ASIC2: variants seen among roughly 807,000 people sequenced by gnomAD.
ASIC2 encodes the protein acid-sensing ion channel 2.
ASIC2 carries 25 observed loss-of-function variants against 57.3 expected under a neutral mutation model. The ratio of observed to expected loss-of-function variants is 0.44; its 90% CI spans 0.32 to 0.61. The LOEUF (loss-of-function observed/expected upper bound fraction) is 0.61, where lower values mean the gene tolerates loss of function less well. ASIC2 is among the 20% of genes least tolerant of loss of function. The probability of loss-of-function intolerance (pLI) is 0.06; values close to 1 mark genes in which losing one functional copy is unlikely to be tolerated. For synonymous variants in ASIC2, 319 were observed against 307.5 expected (o/e 1.04, Z -0.39); for missense variants, 641 against 738.1 (o/e 0.87, Z 1.52).
intron 1 of ASIC2, among the ~76,000 whole-genome samples, chr17:34,064,450 T>C (rs1909091411): frequency 6.6e-6 from 1 of 152,122 alleles, no homozygotes; most frequent in African/African-American, 2.4e-5. Flanking sequence ...GAACAACCCT[T>C]CTAGACATTG....
At chr17:33,850,016 G>A (rs1158411989) in intron 1 of ASIC2, among the ~76,000 whole-genome samples, 1 of 151,608 alleles carries the variant, frequency 6.6e-6, no homozygotes, top group East Asian at 1.9e-4. Context: ...TATGTTAAAG[G>A]TATGTTGTTT....
intron 1 of ASIC2, among the ~76,000 whole-genome samples, chr17:33,209,113 CCTCG>C (rs1907178063): frequency 1.3e-5 from 2 of 152,296 alleles, no homozygotes; most frequent in South Asian, 2.1e-4. Context: ...AGAACTCAAG[CCTCG>C]AAGCCCAGGA....
intron 1 of ASIC2, among the ~76,000 whole-genome samples, chr17:33,769,275 C>A (rs948805581): frequency 6.6e-6 from 1 of 152,220 alleles, no homozygotes; most frequent in Non-Finnish European, 1.5e-5. Context: ...GGCTCACAGG[C>A]ACCCTTGCCT....
chr17:33,871,370 C>T (rs434257), intron 1 of ASIC2, among the ~76,000 whole-genome samples: 41,986 of 152,088 alleles, frequency 0.28, 6,122 homozygotes, highest in African/African-American at 0.36. Flanking sequence ...TAACTACCTG[C>T]GGCAAGGCAG....
In ASIC2 at chr17:33,772,801, C is replaced by T. The variant is rs189959583; in HGVS notation, c.555+383177G>A. On this transcript the variant is annotated intron_variant, in intron 1 of 9. Transcript: ENST00000359872. ...AGGCTTGGGCTTCCTATCAGTGAGG[C>T]GGAGACTCAAATCCCAGCTTGGCCA... 9.2e-4 allele frequency among the ~76,000 whole-genome samples: 140 copies of T among 152,288 alleles called. 2 individuals are homozygous for T. Among genetic ancestry groups the T allele is most frequent in the Admixed American group, 2.4e-3 (36 of 15,288 alleles).
rs567938407 is a variant in ASIC2, at chr17:33,144,169, C to T, written c.709-32102G>A. Among the ~76,000 whole-genome samples, 1,054 of 149,824 alleles carry T rather than the reference C, an allele frequency of 7.0e-3. 3 individuals are homozygous for T. Among genetic ancestry groups the T allele is most frequent in the South Asian group, 0.011 (52 of 4,710 alleles). ...AAAAACAAACAAACAAAAAAAAAAA[C>T]GAAAAACAAAAACAAAAACAAAAAA... On this transcript the variant is annotated intron_variant, in intron 1 of 9. Transcript: ENST00000225823.
At chr17:33,996,669 A>G (rs1240637803) in intron 1 of ASIC2, among the ~76,000 whole-genome samples, 1 of 152,212 alleles carries the variant, frequency 6.6e-6, no homozygotes, top group Non-Finnish European at 1.5e-5. Context: ...TTGATAAAAA[A>G]TGCAGAGGTT....
At chr17:33,295,325 C>T (rs969816716), upstream of ASIC2, among the ~76,000 whole-genome samples, 6 of 152,194 alleles carry the variant, frequency 3.9e-5, no homozygotes, top group Non-Finnish European at 5.9e-5. Context: ...GAAAGACACA[C>T]GGGCAGCTAG....
At chr17:33,153,587 G>A (rs894389333) in intron 1 of ASIC2, among the ~76,000 whole-genome samples, 1 of 152,174 alleles carries the variant, frequency 6.6e-6, no homozygotes, top group Non-Finnish European at 1.5e-5. Context: ...CTATTTTGAC[G>A]ACAGTTTTGC....
chr17:33,921,600 G>A (rs1915709923), intron 1 of ASIC2, among the ~76,000 whole-genome samples: 1 of 152,030 alleles, frequency 6.6e-6, no homozygotes, highest in South Asian at 2.1e-4. Flanking sequence ...AGGTAGGTGG[G>A]GTGCACGTGG....
intron 1 of ASIC2, among the ~76,000 whole-genome samples, chr17:34,065,880 C>T (rs1195928610): frequency 6.6e-6 from 1 of 152,174 alleles, no homozygotes; most frequent in African/African-American, 2.4e-5. Flanking sequence ...ATAATGCTTA[C>T]AGAGTGTTCA....
At chr17:33,612,285 C>CA (rs1905436301) in intron 1 of ASIC2, among the ~76,000 whole-genome samples, 1 of 152,204 alleles carries the variant, frequency 6.6e-6, no homozygotes, top group African/African-American at 2.4e-5. Flanking sequence ...GAAGTTGACA[C>CA]AAAAAATTGG....
In ASIC2 at chr17:33,170,054, T is replaced by G. The variant is rs145920379; in HGVS notation, c.709-57987A>C. 2.0e-5 allele frequency among the ~76,000 whole-genome samples: 3 copies of G among 152,284 alleles called. No individual in the cohort carries two copies. In the East Asian group the frequency reaches 5.8e-4, roughly 29 times the overall value. On this transcript the variant is annotated intron_variant, in intron 1 of 9. Transcript: ENST00000225823. ...GAGAGAGCTTTCTGGAAGCTAATGATGTGGAACCAACTGCCCTGGAAACAC... is the reference window on the plus strand; with the variant it reads ...GAGAGAGCTTTCTGGAAGCTAATGAGGTGGAACCAACTGCCCTGGAAACAC...
At chr17:33,338,539 C>G (rs1329149000) in intron 1 of ASIC2, among the ~76,000 whole-genome samples, 1 of 152,118 alleles carries the variant, frequency 6.6e-6, no homozygotes, top group African/African-American at 2.4e-5. Context: ...GAAAAAGGAA[C>G]AAGATGTGTG....
chr17:34,067,694 C>A (rs1227212505), intron 1 of ASIC2, among the ~76,000 whole-genome samples: 1 of 152,098 alleles, frequency 6.6e-6, no homozygotes, highest in East Asian at 1.9e-4. Flanking sequence ...TTGGGGTATA[C>A]CCACACAATA....
intron 1 of ASIC2, among the ~76,000 whole-genome samples, chr17:33,256,036 T>C (rs1225397365): frequency 2.0e-5 from 3 of 152,246 alleles, no homozygotes; most frequent in African/African-American, 4.8e-5. Flanking sequence ...TACAGATTCA[T>C]ACATCACTAT....
At chr17:34,132,421 G>T (rs572554058) in intron 1 of ASIC2, among the ~76,000 whole-genome samples, 14 of 152,196 alleles carry the variant, frequency 9.2e-5, no homozygotes, top group African/African-American at 3.1e-4. Flanking sequence ...GCCGGGTGGA[G>T]GCCAGCTTTT....
intron 1 of ASIC2, among the ~76,000 whole-genome samples, chr17:33,730,451 A>G (rs1909708183): frequency 6.6e-6 from 1 of 152,254 alleles, no homozygotes; most frequent in African/African-American, 2.4e-5. Context: ...AAATCACACA[A>G]TAATTCAAAC....
intron 1 of ASIC2, among the ~76,000 whole-genome samples, chr17:33,550,077 T>A (rs918038579): frequency 6.6e-6 from 1 of 152,050 alleles, no homozygotes; most frequent in African/African-American, 2.4e-5. Flanking sequence ...AATTTCAGAG[T>A]TGTAGGTGAG....
Sources: gnomAD v4.1 joint callset for allele counts (sites outside exome capture counted in the v4.1 genomes callset) on GRCh38, gnomAD v4.1.1 for gene constraint, MANE v1.5 for transcripts, NCBI Gene and HGNC (gene_info 2026-07-23, HGNC 2026-07-21) for gene names.